The following OTUD4 variants were observed in gnomAD, a reference collection of about 807,000 sequenced individuals.
OTUD4 encodes the protein OTU domain-containing protein 4.
In OTUD4, 24 loss-of-function variants were observed where a neutral mutation model predicts 130.4. The ratio of observed to expected loss-of-function variants is 0.18; its 90% CI spans 0.13 to 0.26. The LOEUF is 0.26. OTUD4 is among the 10% of genes least tolerant of loss of function. OTUD4 has a pLI of 1.00. For missense variants in OTUD4, 1,031 were observed against 1,329.4 expected (o/e 0.78, Z 3.49); for synonymous variants, 420 against 472.5 (o/e 0.89, Z 1.44).
chr4:145,159,402 C>T, intron 7 of OTUD4, 101 bp downstream of exon 7: 1 of 1,581,518 alleles, frequency 6.3e-7, no homozygotes, highest in Non-Finnish European at 8.6e-7. Flanking sequence ...CCATTAATAC[C>T]TCAATATATG....
intron 13 of OTUD4, among the ~76,000 whole-genome samples, chr4:145,148,499 CAAA>C (rs1266356650): frequency 1.1e-5 from 1 of 93,740 alleles, no homozygotes; most frequent in Non-Finnish European, 2.2e-5. Context: ...AACTCCGTCT[CAAA>C]AAAAAAAAAA....
chr4:145,174,643 T>C lies in OTUD4; in HGVS notation c.243+18A>G. Reference sequence around the variant, plus strand: ...AACCAAGTCAAGACACCATTACATGTTTGAAATTACAAGTTACCGCTTCAA... The same window carrying C: ...AACCAAGTCAAGACACCATTACATGCTTGAAATTACAAGTTACCGCTTCAA... On this transcript the variant is annotated intron_variant, in intron 2 of 20. Transcript: ENST00000447906. The C allele has an allele frequency of 7.0e-7, 1 of 1,437,756 alleles. No individual in the cohort carries two copies. Among genetic ancestry groups the C allele is most frequent in the Non-Finnish European group, 9.8e-7 (1 of 1,018,996 alleles). The allele number at this position is 1,437,756 out of a possible 1,614,324, so 89.1% of individuals were successfully genotyped here. A position where few individuals can be genotyped will look rare whatever the true frequency, so the allele number is the denominator to read the frequency against.
Position 145,136,764 on chromosome 4 carries a change from C to T in OTUD4, c.*666G>A, listed in dbSNP as rs868699565. ...ACAAATACCAAAATTCAAAAATATACCTTATGAATATTAAAAGAACTATAT... is the reference window on the plus strand; with the variant it reads ...ACAAATACCAAAATTCAAAAATATATCTTATGAATATTAAAAGAACTATAT... On this transcript the variant is annotated 3_prime_UTR_variant, in exon 21 of 21. Coordinates refer to ENST00000447906, the MANE Select transcript of OTUD4 (RefSeq NM_001366057.1). 3 of 152,404 alleles carry T rather than the reference C, an allele frequency of 2.0e-5. No homozygotes were observed. The South Asian group carries it at 6.2e-4, about 32-fold the overall frequency. The allele number at this position is 152,404 out of a possible 1,614,324, so 9.4% of individuals were successfully genotyped here.
rs781497775 is a variant in OTUD4 at position 145,135,909 on chromosome 4, C to A, written c.*1521G>T. ...CATTCCCATAGGTTATCAGAGAACCCAGAAAACCCATCTGTTTCAGTTTGT... is the reference window on the plus strand; with the variant it reads ...CATTCCCATAGGTTATCAGAGAACCAAGAAAACCCATCTGTTTCAGTTTGT... On this transcript the variant is annotated 3_prime_UTR_variant, in exon 21 of 21. Coordinates refer to ENST00000447906, the MANE Select transcript of OTUD4 (RefSeq NM_001366057.1). 3.3e-5 allele frequency: 5 copies of A among 152,594 alleles called. No individual in the cohort carries two copies. The highest frequency in any genetic ancestry group is 5.9e-5 in the Non-Finnish European group (4 of 68,016). The allele number at this position is 152,594 out of a possible 1,614,324, so 9.5% of individuals were successfully genotyped here. A position where few individuals can be genotyped will look rare whatever the true frequency, so the allele number is the denominator to read the frequency against.
In OTUD4 at chr4:145,134,816, A is replaced by G. The variant is rs1278954257; in HGVS notation, c.*2614T>C. On this transcript the variant is annotated 3_prime_UTR_variant, in exon 21 of 21. Transcript: ENST00000447906. ...AGGGGGCTGGAATCAAGTTCAGCCA[A>G]AGCACCTAACACAAAAAACAGGTGA... The G allele has an allele frequency of 2.5e-6, 1 of 398,916 alleles. No homozygotes were observed. Among genetic ancestry groups the G allele is most frequent in the Non-Finnish European group, 4.4e-6 (1 of 226,036 alleles). The allele number at this position is 398,916 out of a possible 1,614,324, so 24.7% of individuals were successfully genotyped here.
intron 16 of OTUD4, among the ~76,000 whole-genome samples, chr4:145,143,652 T>C (rs912140879): frequency 2.6e-5 from 4 of 152,186 alleles, no homozygotes; most frequent in Non-Finnish European, 5.9e-5. Flanking sequence ...CAGTTTTCAC[T>C]GGAGGCAAGG....
chr4:145,146,605 T>C (rs1269680137), intron 13 of OTUD4, among the ~76,000 whole-genome samples, 176 bp from the exon 14 acceptor site: 1 of 152,122 alleles, frequency 6.6e-6, no homozygotes, highest in Admixed American at 6.6e-5. Flanking sequence ...TTAGAACATT[T>C]GGCAGTCTGG....
At chr4:145,165,115 T>C in intron 4 of OTUD4, 36 bp downstream of exon 4, 1 of 1,223,292 alleles carries the variant, frequency 8.2e-7, no homozygotes, top group Non-Finnish European at 1.2e-6. Context: ...TCCCACTGGT[T>C]TCATTTTCTT....
chr4:145,140,109 C>T (rs752077032), intron 19 of OTUD4, 118 bp from the exon 20 acceptor site: 1 of 368,896 alleles, frequency 2.7e-6, no homozygotes, highest in Non-Finnish European at 5.0e-6. Context: ...TCTTCTCTAG[C>T]CTGTGATACA....
intron 13 of OTUD4, 26 bp from the exon 14 acceptor site, chr4:145,146,455 A>AAAATAAATAAAT: frequency 7.8e-7 from 1 of 1,278,254 alleles, no homozygotes; most frequent in African/African-American, 1.6e-5. Context: ...TTCTTGTCAG[A>AAAATAAATAAAT]AAATACATAA....
rs1049400491 is a variant in OTUD4 at position 145,157,232 on chromosome 4, G to A, written c.630-1236C>T. 7.9e-5 allele frequency among the ~76,000 whole-genome samples: 12 copies of A among 152,184 alleles called. No individual in the cohort carries two copies. In the East Asian group the frequency reaches 1.5e-3, roughly 20 times the overall value. On this transcript the variant is annotated intron_variant, in intron 7 of 20. Transcript: ENST00000447906. ...AATAAGTAGGCAAAAAATGAGTGTTGAGATGTAGGCTGATATAGTTTAGCC... is the reference window on the plus strand; with the variant it reads ...AATAAGTAGGCAAAAAATGAGTGTTAAGATGTAGGCTGATATAGTTTAGCC...
rs1750184685 is a variant in OTUD4, at chr4:145,135,211, CCAT to C, written c.*2216_*2218del. The C allele has an allele frequency of 5.2e-6, 1 of 190,530 alleles. No individual in the cohort carries two copies. 11.8% of individuals were successfully genotyped at this position (190,530 alleles called of 1,614,324 possible). ...TAAAATTCTCTTTCAAGCACTTCTT[CCAT>C]CATATCCTAGAGGTGAGATATGGGA... On this transcript the variant is annotated 3_prime_UTR_variant, in exon 21 of 21. Coordinates refer to ENST00000447906, the MANE Select transcript of OTUD4 (RefSeq NM_001366057.1).
At chr4:145,142,749 G>A (rs1433568775) in intron 17 of OTUD4, among the ~76,000 whole-genome samples, 4 of 152,188 alleles carry the variant, frequency 2.6e-5, no homozygotes, top group Admixed American at 2.0e-4. Context: ...TTGAAATCTT[G>A]AAATTCATGA....
chr4:145,156,678 C>T (rs1161961509), intron 7 of OTUD4, among the ~76,000 whole-genome samples: 1 of 150,306 alleles, frequency 6.7e-6, no homozygotes, highest in South Asian at 2.1e-4. Context: ...AGCGAAACTC[C>T]GTCTCAAAAA....
chr4:145,146,487 T>G (rs182971554), intron 13 of OTUD4, 58 bp from the exon 14 acceptor site: 3 of 929,808 alleles, frequency 3.2e-6, no homozygotes, highest in African/African-American at 3.6e-5. Context: ...AATAAATAAA[T>G]AAAACATTCT....
At chr4:145,160,450 T>C (rs964922415) in intron 6 of OTUD4, among the ~76,000 whole-genome samples, 2 of 152,198 alleles carry the variant, frequency 1.3e-5, no homozygotes, top group Admixed American at 6.5e-5. Context: ...AATTCAAAAA[T>C]ACATGGATTT....
chr4:145,179,030 C>T (rs1283803067), intron 1 of OTUD4, among the ~76,000 whole-genome samples: 1 of 151,654 alleles, frequency 6.6e-6, no homozygotes, highest in Non-Finnish European at 1.5e-5. Flanking sequence ...TGCACACCTA[C>T]AACACACAGT....
intron 11 of OTUD4, among the ~76,000 whole-genome samples, chr4:145,152,126 TTC>T (rs748728062): frequency 1.3e-4 from 20 of 152,128 alleles, no homozygotes; most frequent in Non-Finnish European, 2.1e-4. Flanking sequence ...CAAATATACT[TTC>T]TTTTTGTTTT....
At chr4:145,171,958 G>C (rs981904959) in intron 2 of OTUD4, among the ~76,000 whole-genome samples, 1 of 152,242 alleles carries the variant, frequency 6.6e-6, no homozygotes, top group Admixed American at 6.5e-5. Flanking sequence ...TTTCCTGAAA[G>C]AAGAGTGACT....
Sources: allele counts gnomAD v4.1 joint callset (sites outside exome capture counted in the v4.1 genomes callset), GRCh38; gene constraint gnomAD v4.1.1; transcripts MANE v1.5; gene names NCBI Gene and HGNC (gene_info 2026-07-23, HGNC 2026-07-21).